The following ZNF366 variants were observed in gnomAD, a reference collection of about 807,000 sequenced individuals.
The protein encoded by ZNF366 is zinc finger protein 366.
In ZNF366, 20 loss-of-function variants were observed where a neutral mutation model predicts 47.2. The ratio of observed to expected loss-of-function variants is 0.42; its 90% CI spans 0.30 to 0.62. The LOEUF is 0.62. Among genes scored for constraint, ZNF366 ranks in the 20% least tolerant of loss-of-function variants. The probability of loss-of-function intolerance (pLI) is 0.16; values close to 1 mark genes in which losing one functional copy is unlikely to be tolerated. For missense variants in ZNF366, 987 were observed against 976.3 expected (o/e 1.01, Z -0.15); for synonymous variants, 421 against 395.1 (o/e 1.07, Z -0.78).
chr5:72,486,542 C>G, intron 1 of ZNF366, among the ~76,000 whole-genome samples: 1 of 152,240 alleles, frequency 6.6e-6, no homozygotes, highest in East Asian at 1.9e-4. Context: ...TTCCCAAGGA[C>G]AGACTTGGGC....
chr5:72,485,564 C>T (rs1743874811), intron 1 of ZNF366, among the ~76,000 whole-genome samples: 1 of 152,202 alleles, frequency 6.6e-6, no homozygotes, highest in Non-Finnish European at 1.5e-5. Flanking sequence ...GCCAGAGGTT[C>T]CTTCCAGGAT....
At chr5:72,467,327 G>T (rs1019457) in intron 1 of ZNF366, among the ~76,000 whole-genome samples, 35,642 of 152,076 alleles carry the variant, frequency 0.23, 4,597 homozygotes, top group East Asian at 0.48. Flanking sequence ...ATCCATAAGA[G>T]TTGGTTATAG....
In ZNF366 at chr5:72,443,654, T is replaced by C. The variant is rs557112810; in HGVS notation, c.*102A>G. On this transcript the variant is annotated 3_prime_UTR_variant, in exon 5 of 5. Coordinates refer to ENST00000318442, the MANE Select transcript of ZNF366 (RefSeq NM_152625.3). ...ATTTAGTCTAAGCCATTTGTAGAGA[T>C]TGGTACTATTCGCCAGTCTCCAGAA... is the stretch of plus-strand genomic sequence containing the variant. The C allele has an allele frequency of 4.8e-5, 60 of 1,244,644 alleles. No homozygotes were observed. The South Asian group carries it at 7.2e-4, about 15-fold the overall frequency. 77.1% of individuals were successfully genotyped at this position (1,244,644 alleles called of 1,614,324 possible).
chr5:72,475,189 C>T (rs1371820839), intron 1 of ZNF366, among the ~76,000 whole-genome samples: 2 of 152,170 alleles, frequency 1.3e-5, no homozygotes, highest in African/African-American at 4.8e-5. Context: ...ATCCTGAAGC[C>T]CGCAGCCTGA....
intron 1 of ZNF366, among the ~76,000 whole-genome samples, chr5:72,498,389 T>C (rs1473582663): frequency 6.6e-6 from 1 of 152,200 alleles, no homozygotes. Flanking sequence ...AATTCCCATA[T>C]ACATTTTAGT....
At chr5:72,507,095 A>C (rs954295526) in intron 1 of ZNF366, among the ~76,000 whole-genome samples, 156 bp downstream of exon 1, 1 of 152,078 alleles carries the variant, frequency 6.6e-6, no homozygotes, top group Non-Finnish European at 1.5e-5. Flanking sequence ...TTCTCTTACC[A>C]AAAAAAAGTA....
At chr5:72,499,980 C>T (rs1034870397) in intron 1 of ZNF366, among the ~76,000 whole-genome samples, 1 of 152,174 alleles carries the variant, frequency 6.6e-6, no homozygotes, top group Non-Finnish European at 1.5e-5. Flanking sequence ...ACAATAGTCT[C>T]CTCTTGATTT....
intron 2 of ZNF366, among the ~76,000 whole-genome samples, chr5:72,457,827 A>AC (rs1394101840): frequency 2.0e-5 from 3 of 152,212 alleles, no homozygotes; most frequent in Non-Finnish European, 4.4e-5. Context: ...AGATGATGGT[A>AC]CATGAGTATG....
At chr5:72,458,627 A>T (rs887169237) in intron 2 of ZNF366, among the ~76,000 whole-genome samples, 1 of 152,200 alleles carries the variant, frequency 6.6e-6, no homozygotes, top group Non-Finnish European at 1.5e-5. Flanking sequence ...TAGAGTGGCC[A>T]AGGCACAGGT....
At chr5:72,496,062 T>G (rs1213668460) in intron 1 of ZNF366, among the ~76,000 whole-genome samples, 1 of 152,204 alleles carries the variant, frequency 6.6e-6, no homozygotes, top group Non-Finnish European at 1.5e-5. Flanking sequence ...GGTTGGAGAT[T>G]GCTCCCTTAT....
intron 3 of ZNF366, among the ~76,000 whole-genome samples, chr5:72,451,646 A>G (rs1045350072): frequency 1.1e-4 from 17 of 152,246 alleles, no homozygotes; most frequent in African/African-American, 4.1e-4. Flanking sequence ...AAGCTCTTTG[A>G]AGATGAGGGG....
At chr5:72,500,737 A>G (rs1744198096) in intron 1 of ZNF366, among the ~76,000 whole-genome samples, 1 of 152,210 alleles carries the variant, frequency 6.6e-6, no homozygotes, top group Non-Finnish European at 1.5e-5. Flanking sequence ...GTCCAAAACC[A>G]TAAGGCAGTG....
In ZNF366 at chr5:72,460,324, G is replaced by C; in HGVS notation, c.1173C>G (p.Ile391Met). The C allele has an allele frequency of 6.2e-7, 1 of 1,614,262 alleles. No individual in the cohort carries two copies. Among genetic ancestry groups the C allele is most frequent in the Non-Finnish European group, 8.5e-7 (1 of 1,180,054 alleles). The change falls in exon 2 of 5, where the codon ATC becomes ATG. Residue 391 changes from isoleucine (I) to methionine (M), a missense_variant. Physicochemically the swap from Ile to Met is conservative, Grantham distance 10. Around this residue, in one of 3 missense-constraint regions of ZNF366, gnomAD observed 591 missense variants for 560.9 expected, o/e 1.05. Coordinates refer to ENST00000318442, the MANE Select transcript of ZNF366 (RefSeq NM_152625.3). ...TGTCGCACTCGGAGCAGTTGTACTG[G>C]ATGGGGCCCCGGTGCGTGGTGAGGT... is the stretch of plus-strand genomic sequence containing the variant. ...KRHLTTHRGP[I>M]QYNCSECDKT... is the part of the protein sequence containing the mutation.
intron 3 of ZNF366, among the ~76,000 whole-genome samples, chr5:72,447,683 T>C (rs1353426432): frequency 6.6e-6 from 1 of 152,210 alleles, no homozygotes; most frequent in East Asian, 1.9e-4. Context: ...GAATAAAAGC[T>C]TTTGAAAAGG....
chr5:72,451,677 A>G (rs1006442581), intron 3 of ZNF366, among the ~76,000 whole-genome samples: 4 of 152,234 alleles, frequency 2.6e-5, no homozygotes, highest in Non-Finnish European at 5.9e-5. Context: ...GAAGAGCCAA[A>G]TGAGGAATCT....
chr5:72,455,886 C>A (rs1360697590), intron 3 of ZNF366, among the ~76,000 whole-genome samples: 1 of 152,116 alleles, frequency 6.6e-6, no homozygotes, highest in Non-Finnish European at 1.5e-5. Context: ...CTCTCACCGT[C>A]TCTAGGAGGC....
At chr5:72,461,914 C>T (rs1743322721) in intron 1 of ZNF366, among the ~76,000 whole-genome samples, 2 of 152,246 alleles carry the variant, frequency 1.3e-5, no homozygotes, top group Non-Finnish European at 2.9e-5. Flanking sequence ...TAGGTACTCA[C>T]TGAAGGAGTG....
At chr5:72,447,983 T>C (rs1404762611) in intron 3 of ZNF366, among the ~76,000 whole-genome samples, 2 of 152,184 alleles carry the variant, frequency 1.3e-5, no homozygotes, top group Non-Finnish European at 2.9e-5. Context: ...AGAGAACACA[T>C]GGTCAACCAC....
rs1580232425 is a variant in ZNF366 at position 72,451,604 on chromosome 5, T to C, written c.1525-4187A>G. 3.3e-5 allele frequency among the ~76,000 whole-genome samples: 5 copies of C among 152,372 alleles called. No individual in the cohort carries two copies. In the South Asian group the frequency reaches 1.0e-3, roughly 32 times the overall value. ...CTCTTTTTACTATCATTATGGTGTA[T>C]ATAGTAGATTCTTTTACATTCCAGA... On this transcript the variant is annotated intron_variant, in intron 3 of 4. Transcript: ENST00000318442.
Sources: allele counts gnomAD v4.1 joint callset (sites outside exome capture counted in the v4.1 genomes callset), GRCh38; gene constraint gnomAD v4.1.1; regional missense constraint gnomAD v4.1.1; transcripts MANE v1.5; gene names NCBI Gene and HGNC (gene_info 2026-07-23, HGNC 2026-07-21).